Variants in TCFL5 observed in about 807,000 individuals in gnomAD.
TCFL5 encodes the protein transcription factor like 5, also known as transcription factor-like 5 protein.
Under a neutral mutation model 44.3 loss-of-function variants are expected in TCFL5, and 9 were observed. The observed-to-expected ratio is 0.20, with a 90% CI of 0.12 to 0.35. TCFL5 has a LOEUF of 0.35. Among genes scored for constraint, TCFL5 ranks in the 10% least tolerant of loss-of-function variants. The probability of loss-of-function intolerance (pLI) is 1.00; values close to 1 mark genes in which losing one functional copy is unlikely to be tolerated. For missense variants in TCFL5, 603 were observed against 613.4 expected (o/e 0.98, Z 0.18); for synonymous variants, 319 against 271.6 (o/e 1.17, Z -1.72).
At chr20:62,857,822 C>G (rs573122173) in intron 3 of TCFL5, among the ~76,000 whole-genome samples, 184 bp from the exon 4 acceptor site, 2 of 152,060 alleles carry the variant, frequency 1.3e-5, no homozygotes, top group African/African-American at 4.8e-5. Context: ...GAAGCCCAAG[C>G]CTATTTTATA....
At chr20:62,847,441 C>T (rs2147252973) in intron 5 of TCFL5, among the ~76,000 whole-genome samples, 1 of 152,230 alleles carries the variant, frequency 6.6e-6, no homozygotes, top group African/African-American at 2.4e-5. Flanking sequence ...ACCACTGACC[C>T]CACATAAAAA....
chr20:62,843,268 A>G (rs1395208709), intron 5 of TCFL5, among the ~76,000 whole-genome samples: 1 of 152,218 alleles, frequency 6.6e-6, no homozygotes, highest in Non-Finnish European at 1.5e-5. Flanking sequence ...GGCTCACGGG[A>G]GATTCTGCTC....
chr20:62,860,926 G>T, intron 1 of TCFL5, 98 bp downstream of exon 1: 2 of 909,138 alleles, frequency 2.2e-6, no homozygotes, highest in African/African-American at 1.8e-5. Flanking sequence ...CAGGCTGGGG[G>T]CGTGCACAGC....
chr20:62,861,306 C>G lies in TCFL5; in HGVS notation c.365G>C (p.Gly122Ala). 2 of 1,178,228 alleles carry G rather than the reference C, an allele frequency of 1.7e-6. No homozygotes were observed. Among genetic ancestry groups the G allele is most frequent in the Non-Finnish European group, 2.1e-6 (2 of 938,780 alleles). 73.0% of individuals were successfully genotyped at this position (1,178,228 alleles called of 1,614,324 possible). A position where few individuals can be genotyped will look rare whatever the true frequency, so the allele number is the denominator to read the frequency against. The change falls in exon 1 of 6, where the codon GGC (glycine) becomes GCC (alanine). Residue 122 changes from glycine (G) to alanine (A), a missense_variant. By Grantham distance (60) the Gly-to-Ala change is moderately conservative. Coordinates refer to ENST00000335351, the MANE Select transcript of TCFL5 (RefSeq NM_006602.4). The surrounding 1 kb of genome is among the most constrained non-coding windows in gnomAD (Gnocchi z 4.0). ...SALAADAPCL[G>A]HIDFQELRMM... ...GCGCAGCTCCTGGAAGTCGATGTGG[C>G]CCAGGCAGGGCGCGTCGGCCGCCAG...
intron 5 of TCFL5, among the ~76,000 whole-genome samples, chr20:62,851,045 GA>G (rs1394478692): frequency 6.6e-6 from 1 of 152,240 alleles, no homozygotes; most frequent in East Asian, 1.9e-4. Flanking sequence ...GGTCACACTG[GA>G]AAAGACCTGC....
intron 5 of TCFL5, among the ~76,000 whole-genome samples, chr20:62,849,254 C>T (rs1600836188): frequency 6.6e-6 from 1 of 152,134 alleles, no homozygotes; most frequent in African/African-American, 2.4e-5. Context: ...TGGAGAGAAA[C>T]TGGGACCGGC....
chr20:62,850,997 A>G (rs2063803009), intron 5 of TCFL5, among the ~76,000 whole-genome samples: 1 of 152,156 alleles, frequency 6.6e-6, no homozygotes, highest in African/African-American at 2.4e-5. Flanking sequence ...ACATGCCTCT[A>G]TCTTGCGCAG....
intron 4 of TCFL5, among the ~76,000 whole-genome samples, 166 bp downstream of exon 4, chr20:62,857,229 G>A (rs183702158): frequency 6.6e-6 from 1 of 152,258 alleles, no homozygotes; most frequent in Non-Finnish European, 1.5e-5. Context: ...AGCGAGCCTG[G>A]GCATAGTCTG....
chr20:62,861,802 G>A lies in TCFL5; in HGVS notation c.-132C>T, dbSNP rs1349254089. The A allele has an allele frequency of 1.3e-5, 2 of 148,220 alleles. No homozygotes were observed. The highest frequency in any genetic ancestry group is 4.9e-5 in the African/African-American group (2 of 40,962). 9.2% of individuals were successfully genotyped at this position (148,220 alleles called of 1,614,324 possible). A position where few individuals can be genotyped will look rare whatever the true frequency, so the allele number is the denominator to read the frequency against. ...GCCGGCCACAGCCGGCGCGCCGTTG[G>A]GGGAGGGAAAACCGCTGAGTGCCGC... On this transcript the variant is annotated 5_prime_UTR_variant, in exon 1 of 6. Transcript: ENST00000335351. This position sits in a 1 kb window ranked among gnomAD's most constrained non-coding sequence, Gnocchi z 4.0.
chr20:62,851,725 A>G (rs942476074), intron 5 of TCFL5: 4 of 985,322 alleles, frequency 4.1e-6, no homozygotes, highest in African/African-American at 1.7e-5. Context: ...GACAAGACAA[A>G]CTATTGCCTG....
intron 5 of TCFL5, chr20:62,851,866 G>A (rs760435646): frequency 1.8e-5 from 17 of 970,690 alleles, no homozygotes; most frequent in Non-Finnish European, 2.1e-5. Flanking sequence ...CTGCAGTGCA[G>A]TGGTGCTATC....
At position 62,854,162 on chromosome 20, in the gene TCFL5, A is replaced by G; in HGVS notation, c.1239-5T>C. On this transcript the variant is annotated splice_polypyrimidine_tract_variant and splice_region_variant and intron_variant, in intron 4 of 5. Coordinates refer to ENST00000335351, the MANE Select transcript of TCFL5 (RefSeq NM_006602.4). ...CAGCAAATGCGGATTCTGCGCCTATAGTCAAAACCCAAAGTCATCACCGAG... is the reference window on the plus strand; with the variant it reads ...CAGCAAATGCGGATTCTGCGCCTATGGTCAAAACCCAAAGTCATCACCGAG... 8 of 1,613,856 alleles carry G rather than the reference A, an allele frequency of 5.0e-6. No individual in the cohort carries two copies. Among genetic ancestry groups the G allele is most frequent in the Non-Finnish European group, 6.8e-6 (8 of 1,179,970 alleles).
chr20:62,848,669 C>T (rs574293791), intron 5 of TCFL5, among the ~76,000 whole-genome samples: 3 of 151,630 alleles, frequency 2.0e-5, no homozygotes, highest in African/African-American at 4.8e-5. Context: ...ATCCAGGAGG[C>T]GGAGGTTGCA....
intron 1 of TCFL5, 100 bp downstream of exon 1, chr20:62,860,924 G>C (rs1270344994): frequency 9.9e-6 from 9 of 907,262 alleles, no homozygotes; most frequent in Non-Finnish European, 1.2e-5. Flanking sequence ...GGCAGGCTGG[G>C]GGCGTGCACA....
chr20:62,845,817 T>C (rs775387163), intron 5 of TCFL5: 2 of 1,600,862 alleles, frequency 1.2e-6, no homozygotes. Context: ...TCCAGGCTGC[T>C]CTCTCATTAT....
rs2063696540 is a variant in TCFL5 at position 62,842,980 on chromosome 20, T to TTG, written c.1381-884_1381-883insCA. On this transcript the variant is annotated intron_variant, in intron 5 of 5. Transcript: ENST00000335351. This position sits in a 1 kb window ranked among gnomAD's most constrained non-coding sequence, Gnocchi z 4.3. ...TTGCTCCTGTCACACCACCTGTCTTTTACAAAAGGCCTCAATTATAATGGT... is the reference window on the plus strand; with the variant it reads ...TTGCTCCTGTCACACCACCTGTCTTTTGTACAAAAGGCCTCAATTATAATGGT... Among the ~76,000 whole-genome samples, 2 of 151,930 alleles carry TTG rather than the reference T, an allele frequency of 1.3e-5. No homozygotes were observed. Among genetic ancestry groups the TTG allele is most frequent in the African/African-American group, 4.8e-5 (2 of 41,350 alleles).
chr20:62,846,237 G>T, intron 5 of TCFL5: 1 of 606,524 alleles, frequency 1.6e-6, no homozygotes, highest in Non-Finnish European at 2.5e-6. Context: ...AAGATCTTCT[G>T]AACTATTTTC....
In TCFL5 at chr20:62,842,371, T is replaced by C. The variant is rs1413292309; in HGVS notation, c.1381-274A>G. On this transcript the variant is annotated intron_variant, in intron 5 of 5. Coordinates refer to ENST00000335351, the MANE Select transcript of TCFL5 (RefSeq NM_006602.4). The surrounding 1 kb of genome is among the most constrained non-coding windows in gnomAD (Gnocchi z 4.3). ...TGGCCACACTGTATTGATTTTATTG[T>C]GGTAAAATATACATGACATGAACGT... Among the ~76,000 whole-genome samples the C allele has an allele frequency of 6.6e-6, 1 of 152,234 alleles. No homozygotes were observed. The highest frequency in any genetic ancestry group is 2.4e-5 in the African/African-American group (1 of 41,454).
chr20:62,853,349 TGGGGTGGGTG>T (rs1278735179), intron 5 of TCFL5, among the ~76,000 whole-genome samples: 1 of 13,012 alleles, frequency 7.7e-5, no homozygotes, highest in African/African-American at 3.4e-4. Flanking sequence ...CTTTCTTTTT[TGGGGTGGGTG>T]GGGGTGGGGC....
Sources: allele counts gnomAD v4.1 joint callset (sites outside exome capture counted in the v4.1 genomes callset), GRCh38; gene constraint gnomAD v4.1.1; non-coding constraint Gnocchi (gnomAD v3.1); transcripts MANE v1.5; gene names NCBI Gene and HGNC (gene_info 2026-07-23, HGNC 2026-07-21).